The following TAFA1 variants were observed in gnomAD, a reference collection of about 807,000 sequenced individuals.
The protein encoded by TAFA1 is chemokine-like protein TAFA-1.
Under a neutral mutation model 18.5 loss-of-function variants are expected in TAFA1, and 4 were observed. The observed-to-expected ratio is 0.22, with a 90% confidence interval of 0.11 to 0.49. TAFA1 has a LOEUF of 0.49. Among genes scored for constraint, TAFA1 ranks in the 20% least tolerant of loss-of-function variants. The pLI, the probability that TAFA1 is intolerant of heterozygous loss-of-function variation, is 0.98. For synonymous variants in TAFA1, 56 were observed against 55.2 expected, an observed-to-expected ratio of 1.01 and a Z score of -0.06; for missense variants, 147 against 169.0, an observed-to-expected ratio of 0.87 and a Z score of 0.72.
At chr3:68,421,865 C>G (rs946282334) in intron 3 of TAFA1, among the ~76,000 whole-genome samples, 1 of 152,008 alleles carries the variant, frequency 6.6e-6, no homozygotes. Flanking sequence ...TAATTGAACA[C>G]GGTGGAATTT....
chr3:68,169,800 A>G (rs1378588133), intron 2 of TAFA1, among the ~76,000 whole-genome samples: 6 of 152,202 alleles, frequency 3.9e-5, no homozygotes, highest in Non-Finnish European at 7.3e-5. Context: ...GGCAACTTCA[A>G]TTTGTAGCAA....
intron 2 of TAFA1, among the ~76,000 whole-genome samples, chr3:68,311,767 G>A (rs2068522298): frequency 6.6e-6 from 1 of 152,222 alleles, no homozygotes; most frequent in South Asian, 2.1e-4. Flanking sequence ...GGTGCAAGCT[G>A]TTGGTGGATC....
At chr3:68,092,496 C>A (rs939655263) in intron 2 of TAFA1, among the ~76,000 whole-genome samples, 12 of 152,020 alleles carry the variant, frequency 7.9e-5, no homozygotes, top group Non-Finnish European at 1.3e-4. Flanking sequence ...AGAACAGATA[C>A]CAGTGTGGGG....
intron 2 of TAFA1, among the ~76,000 whole-genome samples, chr3:68,353,508 G>A (rs113307861): frequency 2.6e-5 from 4 of 152,082 alleles, no homozygotes; most frequent in Admixed American, 1.3e-4. Context: ...TTAATGGACC[G>A]GGTGTTTCTG....
chr3:68,533,125 G>A (rs566111033), intron 3 of TAFA1, among the ~76,000 whole-genome samples: 24 of 151,568 alleles, frequency 1.6e-4, no homozygotes, highest in African/African-American at 4.3e-4. Context: ...TAAGGTGAGC[G>A]GTCGCATCCT....
intron 2 of TAFA1, among the ~76,000 whole-genome samples, chr3:68,162,077 G>C (rs2065931697): frequency 6.6e-6 from 1 of 152,156 alleles, no homozygotes; most frequent in Non-Finnish European, 1.5e-5. Flanking sequence ...GAAAACATTT[G>C]CCAATTGCTG....
chr3:68,523,859 T>C (rs901057397), intron 3 of TAFA1, among the ~76,000 whole-genome samples: 4 of 152,214 alleles, frequency 2.6e-5, no homozygotes, highest in African/African-American at 9.6e-5. Flanking sequence ...CCCAACATTT[T>C]ATGTCATTTT....
rs77939752 is a variant in TAFA1 at position 68,333,556 on chromosome 3, C to T, written c.119-83724C>T. ...CCTGGGTGATGAAATAATCTGTACA[C>T]CAAACCCCTGCGACACAAAATCTAC... On this transcript the variant is annotated intron_variant, in intron 2 of 4. Coordinates refer to ENST00000478136, the MANE Select transcript of TAFA1 (RefSeq NM_213609.4). Among the ~76,000 whole-genome samples, 1,537 of 152,202 alleles carry T rather than the reference C, an allele frequency of 0.01. 82 individuals carry two copies. In the East Asian group the frequency reaches 0.16, roughly 16 times the overall value.
intron 2 of TAFA1, among the ~76,000 whole-genome samples, chr3:68,265,458 G>C (rs2067523720): frequency 1.3e-5 from 2 of 152,270 alleles, no homozygotes; most frequent in Middle Eastern, 3.4e-3. Context: ...ACCAAGACCA[G>C]CTTTTTGACT....
At chr3:68,254,471 T>A (rs1320271779) in intron 2 of TAFA1, among the ~76,000 whole-genome samples, 1 of 152,048 alleles carries the variant, frequency 6.6e-6, no homozygotes, top group Non-Finnish European at 1.5e-5. Context: ...GAAAGATACT[T>A]GTAACATCAT....
chr3:68,414,488 A>G (rs947909143), intron 2 of TAFA1, among the ~76,000 whole-genome samples: 8 of 152,190 alleles, frequency 5.3e-5, no homozygotes, highest in African/African-American at 1.9e-4. Flanking sequence ...TTTGGGATCT[A>G]GTGACTGGGG....
At chr3:68,431,444 A>G (rs527887051) in intron 3 of TAFA1, among the ~76,000 whole-genome samples, 2 of 152,108 alleles carry the variant, frequency 1.3e-5, no homozygotes, top group Admixed American at 1.3e-4. Context: ...CAACATTATG[A>G]TACCTAATCT....
intron 2 of TAFA1, among the ~76,000 whole-genome samples, chr3:68,382,145 G>A (rs1575820299): frequency 1.3e-5 from 2 of 152,168 alleles, no homozygotes; most frequent in South Asian, 4.1e-4. Context: ...GGTCGTGTTG[G>A]ATAAGCTTTT....
At chr3:68,358,799 T>C (rs1192979924) in intron 2 of TAFA1, among the ~76,000 whole-genome samples, 1 of 151,972 alleles carries the variant, frequency 6.6e-6, no homozygotes, top group Non-Finnish European at 1.5e-5. Context: ...GGTAAACATG[T>C]AGCATAATGG....
chr3:68,373,019 A>G (rs2069741864), intron 2 of TAFA1, among the ~76,000 whole-genome samples: 2 of 152,178 alleles, frequency 1.3e-5, no homozygotes, highest in Non-Finnish European at 2.9e-5. Flanking sequence ...AAATTTGATC[A>G]TCCATTACAT....
At chr3:68,405,494 A>G (rs2070582665) in intron 2 of TAFA1, among the ~76,000 whole-genome samples, 1 of 150,822 alleles carries the variant, frequency 6.6e-6, no homozygotes, top group African/African-American at 2.4e-5. Context: ...ACCTAGGAGT[A>G]ATAAATAGGG....
intron 2 of TAFA1, among the ~76,000 whole-genome samples, chr3:68,131,009 CT>C (rs1366770264): frequency 6.6e-6 from 1 of 152,128 alleles, no homozygotes; most frequent in African/African-American, 2.4e-5. Flanking sequence ...AAACAGGGAG[CT>C]TTTTCGACTT....
intron 3 of TAFA1, among the ~76,000 whole-genome samples, chr3:68,424,414 A>G (rs1052889679): frequency 6.6e-6 from 1 of 152,020 alleles, no homozygotes; most frequent in Non-Finnish European, 1.5e-5. Context: ...GGCTTGATTC[A>G]TTTTCCCCAA....
chr3:68,098,213 A>G (rs540561850), intron 2 of TAFA1, among the ~76,000 whole-genome samples: 7 of 152,240 alleles, frequency 4.6e-5, no homozygotes, highest in Admixed American at 2.6e-4. Flanking sequence ...AAATGGGGGA[A>G]AAAAAGCACA....
Sources: allele counts gnomAD v4.1 joint callset (sites outside exome capture counted in the v4.1 genomes callset), GRCh38; gene constraint gnomAD v4.1.1; transcripts MANE v1.5; gene names NCBI Gene and HGNC (gene_info 2026-07-23, HGNC 2026-07-21).